The following BAIAP2L2 variants were observed in gnomAD, a reference collection of about 807,000 sequenced individuals.
BAIAP2L2 encodes the protein BAR/IMD domain-containing adapter protein 2-like 2.
Under a neutral mutation model 60.4 loss-of-function variants are expected in BAIAP2L2, and 65 were observed. The ratio of observed to expected loss-of-function variants is 1.08; its 90% CI spans 0.88 to 1.32. The LOEUF is 1.32. BAIAP2L2 is among the 40% of genes most tolerant of loss of function. The pLI, the probability that BAIAP2L2 is intolerant of heterozygous loss-of-function variation, is 0.00. For missense variants in BAIAP2L2, 836 were observed against 741.2 expected (o/e 1.13, Z -1.48); for synonymous variants, 344 against 301.7 (o/e 1.14, Z -1.45).
chr22:38,110,538 C>G lies in BAIAP2L2; in HGVS notation c.-13G>C. ...TCTCGGGGGCCATGGAGGGGCTGTC[C>G]CGGGTCTGAGCAGGAGGCTGGGAGC... is the stretch of plus-strand genomic sequence containing the variant. On this transcript the variant is annotated 5_prime_UTR_variant, in exon 1 of 14. Coordinates refer to ENST00000381669, the MANE Select transcript of BAIAP2L2 (RefSeq NM_025045.6). 6.2e-7 allele frequency: 1 copy of G among 1,607,574 alleles called. No individual in the cohort carries two copies. Among genetic ancestry groups the G allele is most frequent in the South Asian group, 1.1e-5 (1 of 90,302 alleles).
chr22:38,109,849 T>TC (rs748308685), intron 1 of BAIAP2L2, among the ~76,000 whole-genome samples: 3 of 151,600 alleles, frequency 2.0e-5, no homozygotes, highest in Non-Finnish European at 4.4e-5. Flanking sequence ...CTGTTTAACC[T>TC]CTTTGGTCTC....
At chr22:38,108,047 T>C (rs907096681) in intron 3 of BAIAP2L2, 134 bp from the exon 4 acceptor site, 6 of 1,015,768 alleles carry the variant, frequency 5.9e-6, no homozygotes, top group Non-Finnish European at 8.7e-6. Context: ...GAACTTCCCA[T>C]ATGGTTCTCT....
intron 1 of BAIAP2L2, among the ~76,000 whole-genome samples, chr22:38,110,064 A>G (rs1602041850): frequency 2.9e-5 from 1 of 34,448 alleles, no homozygotes; most frequent in African/African-American, 9.0e-5. Flanking sequence ...AGAGAGAGAG[A>G]GACAGAGAGA....
intron 5 of BAIAP2L2, 81 bp downstream of exon 5, chr22:38,098,330 C>T (rs2086491089): frequency 3.4e-6 from 5 of 1,482,324 alleles, no homozygotes; most frequent in Admixed American, 3.4e-5. Flanking sequence ...TCAGCACTGG[C>T]CTGTGTGTGC....
At chr22:38,087,893 C>A (rs1601989933) in intron 10 of BAIAP2L2, among the ~76,000 whole-genome samples, 1 of 150,696 alleles carries the variant, frequency 6.6e-6, no homozygotes, top group Non-Finnish European at 1.5e-5. Context: ...GTCAGTGACC[C>A]CCCCCCCGCC....
At chr22:38,097,998 CGGT>C in intron 6 of BAIAP2L2, 62 bp downstream of exon 6, 2 of 1,051,574 alleles carry the variant, frequency 1.9e-6, no homozygotes, top group East Asian at 5.1e-5. Flanking sequence ...TCCCAGGGCC[CGGT>C]CTCGCCCCGA....
At chr22:38,086,935 G>A (rs1437517162) in intron 11 of BAIAP2L2, among the ~76,000 whole-genome samples, 189 bp downstream of exon 11, 1 of 149,780 alleles carries the variant, frequency 6.7e-6, no homozygotes, top group African/African-American at 2.5e-5. Context: ...GGCAGAGGTT[G>A]CAGTGAGCCA....
At chr22:38,099,644 C>T (rs772141952) in intron 4 of BAIAP2L2, among the ~76,000 whole-genome samples, 6 of 152,198 alleles carry the variant, frequency 3.9e-5, no homozygotes, top group Non-Finnish European at 5.9e-5. Context: ...TATTCTCCAT[C>T]AGCTTTCTCT....
At chr22:38,087,798 A>C (rs2086141627) in intron 10 of BAIAP2L2, among the ~76,000 whole-genome samples, 1 of 139,210 alleles carries the variant, frequency 7.2e-6, no homozygotes, top group African/African-American at 2.7e-5. Context: ...TCCATCCAGC[A>C]CCCCCTCACC....
chr22:38,089,432 C>A (rs2086221858), intron 8 of BAIAP2L2, 90 bp downstream of exon 8: 1 of 704,058 alleles, frequency 1.4e-6, no homozygotes, highest in Non-Finnish European at 1.9e-6. Flanking sequence ...GCCTGGGGGG[C>A]AGGAGGCTCC....
intron 6 of BAIAP2L2, among the ~76,000 whole-genome samples, chr22:38,097,669 G>A (rs937635362): frequency 6.6e-6 from 1 of 152,184 alleles, no homozygotes; most frequent in East Asian, 1.9e-4. Flanking sequence ...AAGGGGAATG[G>A]CCCTAGCCGG....
intron 11 of BAIAP2L2, 105 bp from the exon 12 acceptor site, chr22:38,086,554 C>T (rs1313513219): frequency 2.5e-6 from 2 of 813,664 alleles, no homozygotes; most frequent in African/African-American, 1.7e-5. Flanking sequence ...CGACAGCTTC[C>T]TCCCCGCACC....
chr22:38,110,713 C>G (rs576074356), upstream of BAIAP2L2: 395 of 575,038 alleles, frequency 6.9e-4, 1 homozygote, highest in African/African-American at 6.9e-3. Flanking sequence ...CTCGGGATGT[C>G]AGAATGTGAT....
intron 4 of BAIAP2L2, among the ~76,000 whole-genome samples, chr22:38,098,715 G>A (rs1485122938): frequency 1.3e-5 from 2 of 152,222 alleles, no homozygotes; most frequent in Non-Finnish European, 2.9e-5. Flanking sequence ...CCCTTGATAA[G>A]TGTGTCAGAG....
Position 38,089,077 on chromosome 22 carries a change from C to A in BAIAP2L2, c.901+19G>T. ...CGCCTCTCCCGGCCCTCCTGCCGCC[C>A]CGGGGCGGGGGCACTCACAGGCCGA... On this transcript the variant is annotated intron_variant, in intron 9 of 13. Coordinates refer to ENST00000381669, the MANE Select transcript of BAIAP2L2 (RefSeq NM_025045.6). The A allele has an allele frequency of 7.2e-7, 1 of 1,381,804 alleles. No homozygotes were observed. The highest frequency in any genetic ancestry group is 9.3e-7 in the Non-Finnish European group (1 of 1,073,598). The allele number at this position is 1,381,804 out of a possible 1,614,324, so 85.6% of individuals were successfully genotyped here.
At chr22:38,106,314 T>C (rs1261159119) in intron 4 of BAIAP2L2, among the ~76,000 whole-genome samples, 1 of 150,390 alleles carries the variant, frequency 6.6e-6, no homozygotes, top group Non-Finnish European at 1.5e-5. Context: ...AGGTCAGGAG[T>C]TCAAGACCAG....
intron 1 of BAIAP2L2, among the ~76,000 whole-genome samples, 183 bp downstream of exon 1, chr22:38,110,292 G>A (rs867594820): frequency 2.6e-5 from 4 of 151,672 alleles, no homozygotes; most frequent in Middle Eastern, 3.4e-3. Flanking sequence ...GGGGGTTCCC[G>A]CTGTATGGCT....
At chr22:38,110,270 CATCT>C (rs2086814000) in intron 1 of BAIAP2L2, among the ~76,000 whole-genome samples, 1 of 151,546 alleles carries the variant, frequency 6.6e-6, no homozygotes, top group South Asian at 2.1e-4. Context: ...CCTTGTCCAG[CATCT>C]GGGAGTTGGG....
Position 38,085,721 on chromosome 22 carries a change from G to A in BAIAP2L2, c.1479C>T (p.Ser493=), listed in dbSNP as rs1000510470. 2 of 1,603,082 alleles carry A rather than the reference G, an allele frequency of 1.2e-6. No homozygotes were observed. The highest frequency in any genetic ancestry group is 2.7e-5 in the African/African-American group (2 of 74,348). Residue 493 remains serine (S), a synonymous_variant, in exon 13 of 14, where the codon TCC becomes TCT. Transcript: ENST00000381669. The part of the protein sequence containing the change: ...AVATDVKKLM[S]SEQYPPQELF... ...GCTCCTGTGGTGGGTACTGCTCTGAGGACATCAGTTTCTGCAGTGGGGGTG... is the reference window on the plus strand; with the variant it reads ...GCTCCTGTGGTGGGTACTGCTCTGAAGACATCAGTTTCTGCAGTGGGGGTG...
Sources: gnomAD v4.1 joint callset for allele counts (sites outside exome capture counted in the v4.1 genomes callset) on GRCh38, gnomAD v4.1.1 for gene constraint, MANE v1.5 for transcripts, NCBI Gene and HGNC (gene_info 2026-07-23, HGNC 2026-07-21) for gene names.